SHROOM4: variants seen among roughly 807,000 people sequenced by gnomAD.
SHROOM4 encodes the protein shroom family member 4, also known as protein Shroom4.
In SHROOM4, 17 loss-of-function variants were observed where a neutral mutation model predicts 80.3. The ratio of observed to expected loss-of-function variants is 0.21; its 90% CI spans 0.14 to 0.32. SHROOM4 has a LOEUF of 0.32. Ranked by LOEUF, SHROOM4 falls within the 10% of genes least tolerant of loss-of-function variation. The pLI is 1.00. For synonymous variants in SHROOM4, 400 were observed against 437.5 expected (o/e 0.91, Z 1.07); for missense variants, 993 against 1,140.3 (o/e 0.87, Z 1.86).
chrX:50,633,632 A>G lies in SHROOM4; in HGVS notation c.2441T>C (p.Met814Thr), dbSNP rs782190096. 1.4e-5 allele frequency: 17 copies of G among 1,210,316 alleles called. No individual in the cohort carries two copies. Among genetic ancestry groups the G allele is most frequent in the Non-Finnish European group, 1.8e-5 (16 of 895,346 alleles). The change falls in exon 4 of 9, where the codon ATG becomes ACG. Residue 814 changes from methionine (M) to threonine (T), a missense_variant. By Grantham distance (81) the Met-to-Thr change is moderately conservative. Transcript: ENST00000376020. Reference sequence around the variant, plus strand: ...CCTCAATTCCCTACAGCTGGAGCTCATTGGCTGGAAGTTTTGGTCTATAGG... The same window carrying G: ...CCTCAATTCCCTACAGCTGGAGCTCGTTGGCTGGAAGTTTTGGTCTATAGG... ...PKPIDQNFQP[M>T]SSSCRELRRH...
At chrX:50,655,611 C>CATAA (rs200580582) in intron 2 of SHROOM4, among the ~76,000 whole-genome samples, 8,696 of 106,513 alleles carry the variant, frequency 0.082, 906 homozygotes, top group African/African-American at 0.28. Flanking sequence ...CTTTATTCAT[C>CATAA]ATAAAGAATA....
intron 1 of SHROOM4, among the ~76,000 whole-genome samples, chrX:50,807,856 A>T (rs1557273141): frequency 8.9e-6 from 1 of 111,937 alleles, no homozygotes; most frequent in African/African-American, 3.3e-5. Context: ...ATAGCAGCAC[A>T]GCTACTTCCA....
chrX:50,731,875 T>G (rs1934380147), intron 1 of SHROOM4, among the ~76,000 whole-genome samples: 1 of 111,746 alleles, frequency 8.9e-6, no homozygotes, highest in Non-Finnish European at 1.9e-5. Context: ...AATTGGAGGT[T>G]ATGATAAAGA....
At chrX:50,580,664 C>T in the SHROOM4 span, among the ~76,000 whole-genome samples, 1 of 111,308 alleles carries the variant, frequency 9.0e-6, no homozygotes, top group Non-Finnish European at 1.9e-5. Context: ...TGCCTCATGC[C>T]TGTAATCCTA....
chrX:50,755,152 A>G (rs1431194732), intron 1 of SHROOM4, among the ~76,000 whole-genome samples: 2 of 112,491 alleles, frequency 1.8e-5, no homozygotes, highest in African/African-American at 6.5e-5. Flanking sequence ...GATTAGGACT[A>G]AGCAATTGCC....
intron 2 of SHROOM4, among the ~76,000 whole-genome samples, chrX:50,651,611 C>G (rs946795100): frequency 3.6e-5 from 4 of 111,633 alleles, no homozygotes; most frequent in African/African-American, 1.3e-4. Context: ...ACTTTACTTT[C>G]TGGAATACAT....
intron 2 of SHROOM4, among the ~76,000 whole-genome samples, chrX:50,686,004 A>G (rs1191338135): frequency 9.0e-6 from 1 of 111,206 alleles, no homozygotes; most frequent in Non-Finnish European, 1.9e-5. Context: ...CACCTGGTCT[A>G]TGAGTTGTGT....
At chrX:50,586,223 T>A (rs922342698), downstream of SHROOM4, among the ~76,000 whole-genome samples, 5 of 112,068 alleles carry the variant, frequency 4.5e-5, no homozygotes, top group Non-Finnish European at 3.8e-5. Context: ...TTTATCAAAT[T>A]TAAAACTGAG....
intron 8 of SHROOM4, among the ~76,000 whole-genome samples, chrX:50,597,292 T>C (rs1929155429): frequency 8.9e-6 from 1 of 112,301 alleles, no homozygotes; most frequent in Non-Finnish European, 1.9e-5. Context: ...CCCTTTCACC[T>C]GGTGAACAAC....
At chrX:50,760,357 AG>A (rs1935128189) in intron 1 of SHROOM4, among the ~76,000 whole-genome samples, 1 of 99,648 alleles carries the variant, frequency 1.0e-5, no homozygotes, top group African/African-American at 3.6e-5. Flanking sequence ...TTTAAGAGAC[AG>A]GTCTCTGTCA....
At chrX:50,810,464 G>T (rs952976266) in intron 1 of SHROOM4, among the ~76,000 whole-genome samples, 3 of 110,907 alleles carry the variant, frequency 2.7e-5, no homozygotes, top group East Asian at 2.8e-4. Context: ...ACCGCTTCTG[G>T]TTTTTTTTCC....
At chrX:50,782,258 CAGAA>C (rs1358692480) in intron 1 of SHROOM4, among the ~76,000 whole-genome samples, 2 of 110,558 alleles carry the variant, frequency 1.8e-5, no homozygotes, top group East Asian at 5.6e-4. Context: ...AATTAGTAAA[CAGAA>C]AGCACATCAC....
At chrX:50,724,274 G>A (rs1179678484) in intron 1 of SHROOM4, among the ~76,000 whole-genome samples, 1 of 111,697 alleles carries the variant, frequency 9.0e-6, no homozygotes, top group East Asian at 2.8e-4. Context: ...AGGCAAGGAA[G>A]TTCTCTCCTT....
In SHROOM4 at chrX:50,586,975, C is replaced by T. The variant is rs1158388765; in HGVS notation, c.*9720G>A. ...CTTAGAAAATTTCCAGTATTCAATA[C>T]AGCATTATTAACTATAGAACTTATG... On this transcript the variant is annotated 3_prime_UTR_variant, in exon 9 of 9. Transcript: ENST00000376020. Among the ~76,000 whole-genome samples the T allele has an allele frequency of 8.9e-6, 1 of 111,779 alleles. No individual in the cohort carries two copies. Among genetic ancestry groups the T allele is most frequent in the Admixed American group, 9.5e-5 (1 of 10,504 alleles).
chrX:50,611,122 A>G (rs1929952629), intron 5 of SHROOM4, among the ~76,000 whole-genome samples: 1 of 106,655 alleles, frequency 9.4e-6, no homozygotes, highest in Non-Finnish European at 1.9e-5. Context: ...CACTAGTAGT[A>G]CAGACCATAT....
chrX:50,577,114 A>T, the SHROOM4 span, among the ~76,000 whole-genome samples: 31 of 112,239 alleles, frequency 2.8e-4, no homozygotes, highest in African/African-American at 9.7e-4. Context: ...TAGCAAAGGT[A>T]TATTGGTGAC....
At chrX:50,692,787 G>T (rs1933255230) in intron 2 of SHROOM4, among the ~76,000 whole-genome samples, 1 of 111,930 alleles carries the variant, frequency 8.9e-6, no homozygotes, top group South Asian at 3.8e-4. Flanking sequence ...ATAGAAGTCA[G>T]TGGGATCCTA....
At position 50,633,831 on chromosome X, in the gene SHROOM4, G is replaced by A. The variant is rs1557254897; in HGVS notation, c.2242C>T (p.Pro748Ser). ...GCCTTCAATTCCTTGTTGTCACCTG[G>A]GTTGGAAGGGCCTTCCATGGCTGCT... Reference protein sequence around the residue: ...VAAAMEGPSNPGDNKELKAST... With the variant: ...VAAAMEGPSNSGDNKELKAST... Residue 748 changes from proline to serine, a missense_variant, in exon 4 of 9, where the codon CCA becomes TCA. Transcript: ENST00000376020. The A allele has an allele frequency of 8.2e-7, 1 of 1,212,213 alleles. No individual in the cohort carries two copies. Among genetic ancestry groups the A allele is most frequent in the Non-Finnish European group, 1.1e-6 (1 of 895,651 alleles).
chrX:50,593,105 A>G lies in SHROOM4; in HGVS notation c.*3590T>C, dbSNP rs1557245829. 2 of 112,057 alleles carry G rather than the reference A, an allele frequency of 1.8e-5. No homozygotes were observed. Among genetic ancestry groups the G allele is most frequent in the African/African-American group, 6.5e-5 (2 of 30,783 alleles). The allele number at this position is 112,057 out of a possible 1,213,427, so 9.2% of individuals were successfully genotyped here. On this transcript the variant is annotated 3_prime_UTR_variant, in exon 9 of 9. Coordinates refer to ENST00000376020, the MANE Select transcript of SHROOM4 (RefSeq NM_020717.5). Reference sequence around the variant, plus strand: ...GATGTCTAAAAGCTGTTCCCCTAAAAAGGCTATGGCAGATCCTGCTATTTA... The same window carrying G: ...GATGTCTAAAAGCTGTTCCCCTAAAGAGGCTATGGCAGATCCTGCTATTTA...
Sources: gnomAD v4.1 joint callset for allele counts (sites outside exome capture counted in the v4.1 genomes callset) on GRCh38, gnomAD v4.1.1 for gene constraint, MANE v1.5 for transcripts, NCBI Gene and HGNC (gene_info 2026-07-23, HGNC 2026-07-21) for gene names.